SLC4A10: variants seen among roughly 807,000 people sequenced by gnomAD.
The protein encoded by SLC4A10 is solute carrier family 4 member 10.
Under a neutral mutation model 137.7 loss-of-function variants are expected in SLC4A10, and 42 were observed. That is an observed-to-expected ratio of 0.30 (90% CI 0.24 to 0.39). The LOEUF is 0.39. Ranked by LOEUF, SLC4A10 falls within the 10% of genes least tolerant of loss-of-function variation. The pLI is 1.00. For synonymous variants in SLC4A10, 474 were observed against 464.1 expected (o/e 1.02, Z -0.27); for missense variants, 925 against 1,355.0 (o/e 0.68, Z 4.98).
At chr2:161,932,420 A>T (rs752983591) in intron 15 of SLC4A10, among the ~76,000 whole-genome samples, 3 of 152,240 alleles carry the variant, frequency 2.0e-5, no homozygotes, top group Non-Finnish European at 4.4e-5. Flanking sequence ...ATCCAAGATC[A>T]ATATGGATAC....
intron 15 of SLC4A10, among the ~76,000 whole-genome samples, chr2:161,933,754 T>A (rs939797175): frequency 6.6e-6 from 1 of 152,178 alleles, no homozygotes; most frequent in Non-Finnish European, 1.5e-5. Context: ...TGATTCCATA[T>A]CTTGGCTACT....
At chr2:161,938,355 A>G (rs1033362599) in intron 15 of SLC4A10, among the ~76,000 whole-genome samples, 3 of 152,136 alleles carry the variant, frequency 2.0e-5, no homozygotes, top group Non-Finnish European at 4.4e-5. Context: ...ACCAAGGCCT[A>G]TTGCCTGGGA....
intron 15 of SLC4A10, among the ~76,000 whole-genome samples, chr2:161,917,576 TAA>T (rs774860851): frequency 2.9e-4 from 30 of 102,824 alleles, no homozygotes; most frequent in East Asian, 4.7e-4. Flanking sequence ...AGACCCTGTC[TAA>T]AAAAAAAAAA....
intron 2 of SLC4A10, among the ~76,000 whole-genome samples, chr2:161,799,037 T>G (rs577951534): frequency 2.0e-5 from 3 of 151,532 alleles, no homozygotes; most frequent in African/African-American, 7.2e-5. Flanking sequence ...TCAAAAAATC[T>G]TTTCTTTTAA....
At chr2:161,844,654 C>T (rs2059387033) in intron 4 of SLC4A10, among the ~76,000 whole-genome samples, 1 of 152,074 alleles carries the variant, frequency 6.6e-6, no homozygotes, top group Non-Finnish European at 1.5e-5. Context: ...GAGAATAGAA[C>T]ACCCAGAAAG....
intron 3 of SLC4A10, among the ~76,000 whole-genome samples, chr2:161,814,232 A>G (rs551314347): frequency 6.6e-6 from 1 of 152,292 alleles, no homozygotes; most frequent in South Asian, 2.1e-4. Context: ...ATGAGATACT[A>G]TCTCACACCA....
At chr2:161,932,908 A>G (rs1219170304) in intron 15 of SLC4A10, among the ~76,000 whole-genome samples, 1 of 151,920 alleles carries the variant, frequency 6.6e-6, no homozygotes, top group African/African-American at 2.4e-5. Context: ...GATAACCACC[A>G]TTCTACTTTC....
chr2:161,791,414 G>T (rs992202587), intron 2 of SLC4A10, among the ~76,000 whole-genome samples: 2 of 152,112 alleles, frequency 1.3e-5, no homozygotes, highest in Non-Finnish European at 1.5e-5. Context: ...GGAGTAGAAT[G>T]ATGAGAACAC....
intron 1 of SLC4A10, among the ~76,000 whole-genome samples, chr2:161,671,710 C>T (rs539848424): frequency 3.9e-5 from 6 of 152,054 alleles, no homozygotes; most frequent in East Asian, 1.9e-4. Flanking sequence ...GACAAAACAT[C>T]GTCTGAAAAT....
chr2:161,638,278 G>A (rs2105462768), intron 1 of SLC4A10, among the ~76,000 whole-genome samples: 1 of 152,224 alleles, frequency 6.6e-6, no homozygotes, highest in South Asian at 2.1e-4. Flanking sequence ...TTACATTTAA[G>A]TATTTAATCC....
intron 1 of SLC4A10, among the ~76,000 whole-genome samples, chr2:161,764,402 G>C (rs935306030): frequency 1.3e-5 from 2 of 152,068 alleles, no homozygotes; most frequent in Admixed American, 6.6e-5. Flanking sequence ...GAAAGGAACA[G>C]AGTAGAATGA....
rs1183836360 is a variant in SLC4A10, at chr2:161,624,462, T to C, written c.-57T>C. ...TAAGCAGAGCGAGTGCCGGGCTGAG[T>C]GTAAGACACTGAAGACACTGCAGAG... On this transcript the variant is annotated 5_prime_UTR_variant, in exon 1 of 27. Coordinates refer to ENST00000446997, the MANE Select transcript of SLC4A10 (RefSeq NM_001178015.2). The C allele has an allele frequency of 6.4e-7, 1 of 1,550,852 alleles. No homozygotes were observed. The highest frequency in any genetic ancestry group is 8.7e-7 in the Non-Finnish European group (1 of 1,146,444).
intron 1 of SLC4A10, among the ~76,000 whole-genome samples, chr2:161,758,314 C>T (rs532344831): frequency 4.6e-5 from 7 of 151,990 alleles, no homozygotes; most frequent in African/African-American, 1.7e-4. Context: ...GTTTTCATAA[C>T]TTATACCTGA....
intron 3 of SLC4A10, among the ~76,000 whole-genome samples, chr2:161,810,807 G>T (rs55647762): frequency 0.066 from 10,080 of 151,968 alleles, 435 homozygotes; most frequent in East Asian, 0.15. Context: ...GTTCATCAGG[G>T]AGTTTAGCCT....
chr2:161,893,747 C>A (rs972789172), intron 10 of SLC4A10, among the ~76,000 whole-genome samples: 1 of 151,514 alleles, frequency 6.6e-6, no homozygotes, highest in Non-Finnish European at 1.5e-5. Flanking sequence ...TAAAAAATAA[C>A]AATGTTACAA....
intron 1 of SLC4A10, among the ~76,000 whole-genome samples, chr2:161,704,626 C>T (rs1272749350): frequency 1.3e-5 from 2 of 151,438 alleles, no homozygotes; most frequent in Non-Finnish European, 3.0e-5. Context: ...TTGTCTATTT[C>T]TTTTGTTGTA....
chr2:161,975,672 C>G (rs1699270344), intron 24 of SLC4A10, among the ~76,000 whole-genome samples: 1 of 152,122 alleles, frequency 6.6e-6, no homozygotes, highest in Non-Finnish European at 1.5e-5. Context: ...TTTTGTTCCT[C>G]TTAAAAGTTG....
At chr2:161,635,156 G>A (rs887645942) in intron 1 of SLC4A10, among the ~76,000 whole-genome samples, 1 of 151,868 alleles carries the variant, frequency 6.6e-6, no homozygotes, top group African/African-American at 2.4e-5. Context: ...AAAAATGAGT[G>A]CCCTTTATGT....
Position 161,978,395 on chromosome 2 carries a change from A to AAG in SLC4A10, c.*26+636_*26+637insGA, listed in dbSNP as rs1442937265. On this transcript the variant is annotated intron_variant, in intron 26 of 26. Coordinates refer to ENST00000446997, the MANE Select transcript of SLC4A10 (RefSeq NM_001178015.2). ...GAGAGAGACTCTGTCAAAAAAAAAA[A>AAG]AAAAAAGAAAAGAAAAAGAAAAAGA... Among the ~76,000 whole-genome samples the AAG allele has an allele frequency of 1.7e-4, 26 of 150,788 alleles. No individual in the cohort carries two copies. The South Asian group carries it at 5.2e-3, about 30-fold the overall frequency.
Sources: allele counts gnomAD v4.1 joint callset (sites outside exome capture counted in the v4.1 genomes callset), GRCh38; gene constraint gnomAD v4.1.1; transcripts MANE v1.5; gene names NCBI Gene and HGNC (gene_info 2026-07-23, HGNC 2026-07-21).